TRHDE: variants seen among roughly 807,000 people sequenced by gnomAD.
The protein encoded by TRHDE is thyrotropin releasing hormone degrading enzyme.
TRHDE carries 72 observed loss-of-function variants against 125.7 expected under a neutral mutation model. That is an observed-to-expected ratio of 0.57 (90% confidence interval 0.47 to 0.70). The LOEUF is 0.70. Among genes scored for constraint, TRHDE ranks in the 30% least tolerant of loss-of-function variants. TRHDE has a pLI of 0.00. For synonymous variants in TRHDE, 509 were observed against 509.1 expected (o/e 1.00, Z 0.00); for missense variants, 1,110 against 1,327.1 (o/e 0.84, Z 2.54).
chr12:72,452,846 A>G (rs547697123), intron 3 of TRHDE, among the ~76,000 whole-genome samples: 1 of 151,878 alleles, frequency 6.6e-6, no homozygotes, highest in East Asian at 1.9e-4. Context: ...CTTTGCCATG[A>G]TTGTAATTTT....
chr12:72,584,919 A>G (rs923943896), intron 12 of TRHDE, among the ~76,000 whole-genome samples: 1 of 152,164 alleles, frequency 6.6e-6, no homozygotes, highest in Admixed American at 6.5e-5. Flanking sequence ...TATTGTCCCT[A>G]TATTCTCCTA....
chr12:72,088,321 A>G (rs1805065849), intron 1 of TRHDE, among the ~76,000 whole-genome samples: 3 of 152,164 alleles, frequency 2.0e-5, no homozygotes, highest in Non-Finnish European at 4.4e-5. Context: ...AACTGAGGGC[A>G]CATTTTAAAA....
intron 2 of TRHDE, among the ~76,000 whole-genome samples, chr12:72,244,484 A>G (rs920761471): frequency 2.6e-5 from 4 of 152,136 alleles, no homozygotes; most frequent in African/African-American, 9.7e-5. Flanking sequence ...AACAAAAAGT[A>G]CCATCATTTC....
At chr12:72,248,039 G>T (rs1878607262) in intron 2 of TRHDE, among the ~76,000 whole-genome samples, 1 of 152,102 alleles carries the variant, frequency 6.6e-6, no homozygotes, top group Admixed American at 6.5e-5. Flanking sequence ...GTGTATGTGT[G>T]TACATATGTA....
intron 5 of TRHDE, among the ~76,000 whole-genome samples, chr12:72,488,239 A>G (rs1440738162): frequency 1.3e-5 from 2 of 152,072 alleles, no homozygotes; most frequent in Non-Finnish European, 2.9e-5. Flanking sequence ...ATAAGAAGAC[A>G]AGATCCAACT....
Position 72,668,554 on chromosome 12 carries a change from C to A in TRHDE, c.*5359C>A, listed in dbSNP as rs1263408813. On this transcript the variant is annotated 3_prime_UTR_variant, in exon 19 of 19. Transcript: ENST00000261180. Reference sequence around the variant, plus strand: ...TACTAAGAAAAAGAAAACAAAATGACTGATTCTTTTGTTTTGAATTAAATG... The same window carrying A: ...TACTAAGAAAAAGAAAACAAAATGAATGATTCTTTTGTTTTGAATTAAATG... The A allele has an allele frequency of 1.3e-5, 2 of 151,680 alleles. No individual in the cohort carries two copies. Among genetic ancestry groups the A allele is most frequent in the Non-Finnish European group, 2.9e-5 (2 of 67,808 alleles). 9.4% of individuals were successfully genotyped at this position (151,680 alleles called of 1,614,324 possible). A position where few individuals can be genotyped will look rare whatever the true frequency, so the allele number is the denominator to read the frequency against.
At chr12:72,460,134 A>G (rs922984074) in intron 3 of TRHDE, among the ~76,000 whole-genome samples, 2 of 152,340 alleles carry the variant, frequency 1.3e-5, no homozygotes, top group East Asian at 3.9e-4. Context: ...CCTTAAAAAG[A>G]AAGTGTGGAA....
intron 2 of TRHDE, among the ~76,000 whole-genome samples, chr12:72,225,464 CAGA>C (rs746225741): frequency 5.9e-5 from 9 of 152,122 alleles, no homozygotes; most frequent in Non-Finnish European, 1.3e-4. Context: ...AGTGGAAAGA[CAGA>C]AGAAAGCCAG....
intron 2 of TRHDE, among the ~76,000 whole-genome samples, chr12:72,336,394 A>G (rs1485446132): frequency 6.6e-6 from 1 of 152,162 alleles, no homozygotes; most frequent in Non-Finnish European, 1.5e-5. Context: ...CCTTATATTT[A>G]ATCAGCTCAA....
intron 2 of TRHDE, among the ~76,000 whole-genome samples, chr12:72,202,078 G>A (rs760619227): frequency 2.0e-5 from 3 of 152,172 alleles, no homozygotes; most frequent in Non-Finnish European, 4.4e-5. Flanking sequence ...ACCTATATGG[G>A]AAGCCAGTTA....
chr12:72,104,203 C>T (rs1248418654), intron 1 of TRHDE, among the ~76,000 whole-genome samples: 1 of 152,172 alleles, frequency 6.6e-6, no homozygotes, highest in East Asian at 1.9e-4. Flanking sequence ...TTTACCTGCA[C>T]TGGGCCTGGT....
chr12:72,494,947 T>C (rs1360973087), intron 5 of TRHDE, among the ~76,000 whole-genome samples: 1 of 151,988 alleles, frequency 6.6e-6, no homozygotes, highest in African/African-American at 2.4e-5. Flanking sequence ...CATATCTTTT[T>C]AGATATTTAC....
At chr12:72,117,385 G>T (rs1049209098) in intron 2 of TRHDE, among the ~76,000 whole-genome samples, 6 of 152,022 alleles carry the variant, frequency 3.9e-5, no homozygotes, top group African/African-American at 1.4e-4. Context: ...TGAGTTCCTT[G>T]TAGATGTTTG....
intron 2 of TRHDE, among the ~76,000 whole-genome samples, chr12:72,160,191 T>C (rs1592464025): frequency 6.6e-6 from 1 of 152,194 alleles, no homozygotes; most frequent in Non-Finnish European, 1.5e-5. Context: ...TTGGCTGCCC[T>C]CCCTGCCTCT....
At chr12:72,118,402 C>G (rs1014286761) in intron 2 of TRHDE, among the ~76,000 whole-genome samples, 1 of 152,080 alleles carries the variant, frequency 6.6e-6, no homozygotes, top group African/African-American at 2.4e-5. Flanking sequence ...AGGGATAAAT[C>G]CCACTTGATT....
intron 2 of TRHDE, among the ~76,000 whole-genome samples, chr12:72,321,893 C>CA (rs1565697996): frequency 6.6e-6 from 1 of 151,542 alleles, no homozygotes; most frequent in African/African-American, 2.4e-5. Flanking sequence ...ACACACACAC[C>CA]CCCTAAGAGT....
intron 2 of TRHDE, among the ~76,000 whole-genome samples, chr12:72,309,351 AT>A (rs1868432613): frequency 6.6e-6 from 1 of 152,172 alleles, no homozygotes; most frequent in African/African-American, 2.4e-5. Context: ...ATTTTTAAAA[AT>A]TTTTGCATGT....
At chr12:72,175,889 G>T (rs1391111247) in intron 2 of TRHDE, among the ~76,000 whole-genome samples, 1 of 152,200 alleles carries the variant, frequency 6.6e-6, no homozygotes, top group Non-Finnish European at 1.5e-5. Context: ...TATATTGCAG[G>T]CTGGGATCTC....
At chr12:72,475,564 TTTC>T (rs1435408389) in intron 5 of TRHDE, among the ~76,000 whole-genome samples, 1 of 152,202 alleles carries the variant, frequency 6.6e-6, no homozygotes. Flanking sequence ...ACTTTTCATA[TTTC>T]TTCATCATTT....
Sources: gnomAD v4.1 joint callset for allele counts (sites outside exome capture counted in the v4.1 genomes callset) on GRCh38, gnomAD v4.1.1 for gene constraint, MANE v1.5 for transcripts, NCBI Gene and HGNC (gene_info 2026-07-23, HGNC 2026-07-21) for gene names.